The following TIAM2 variants were observed in gnomAD, a reference collection of about 807,000 sequenced individuals.
The protein encoded by TIAM2 is TIAM Rac1 associated GEF 2, also known as rho guanine nucleotide exchange factor TIAM2.
In TIAM2, 80 loss-of-function variants were observed where a neutral mutation model predicts 152.9. The observed-to-expected ratio is 0.52, with a 90% CI of 0.44 to 0.63. TIAM2 has a LOEUF of 0.63. Ranked by LOEUF, TIAM2 falls within the 30% of genes least tolerant of loss-of-function variation. The pLI is 0.00. For synonymous variants in TIAM2, 804 were observed against 838.0 expected (o/e 0.96, Z 0.70); for missense variants, 1,965 against 2,120.1 (o/e 0.93, Z 1.44).
In TIAM2 at chr6:155,146,582, T is replaced by TA. The variant is rs568174655; in HGVS notation, c.1804-1522dup. ...TATTGTTTTTAAAATATTTTTCTTT[T>TA]AAAAAATGTATCATTATTATTATTA... On this transcript the variant is annotated intron_variant, in intron 6 of 26. Transcript: ENST00000682666. 5.0e-3 allele frequency among the ~76,000 whole-genome samples: 765 copies of TA among 151,978 alleles called. 5 individuals are homozygous for TA. The highest frequency in any genetic ancestry group is 0.017 in the African/African-American group (712 of 41,314).
intron 2 of TIAM2, among the ~76,000 whole-genome samples, chr6:155,091,141 G>T (rs1235073934): frequency 6.6e-6 from 1 of 152,068 alleles, no homozygotes; most frequent in East Asian, 1.9e-4. Flanking sequence ...ATGCTTTTTG[G>T]GTTTCAGCTC....
intron 14 of TIAM2, among the ~76,000 whole-genome samples, chr6:155,197,377 T>C (rs1484293956): frequency 6.6e-6 from 1 of 152,246 alleles, no homozygotes; most frequent in Non-Finnish European, 1.5e-5. Flanking sequence ...TATTGAATTT[T>C]GTCATTATTA....
chr6:155,124,951 A>G (rs1194644028), intron 2 of TIAM2, among the ~76,000 whole-genome samples: 2 of 151,648 alleles, frequency 1.3e-5, no homozygotes, highest in African/African-American at 4.8e-5. Flanking sequence ...ACCTAGCTCC[A>G]GTGTCTTGCT....
intron 1 of TIAM2, among the ~76,000 whole-genome samples, chr6:155,039,575 G>C (rs1319653483): frequency 7.2e-6 from 1 of 138,504 alleles, no homozygotes; most frequent in Non-Finnish European, 1.5e-5. Context: ...GGTCTGGGGG[G>C]ATTAGGTTTT....
intron 14 of TIAM2, among the ~76,000 whole-genome samples, chr6:155,190,223 G>T (rs997368203): frequency 6.6e-6 from 1 of 152,132 alleles, no homozygotes; most frequent in African/African-American, 2.4e-5. Context: ...GCTTGCCCCT[G>T]CCTGTCACCT....
At chr6:155,226,905 CT>C (rs1363956550) in intron 15 of TIAM2, among the ~76,000 whole-genome samples, 1 of 152,180 alleles carries the variant, frequency 6.6e-6, no homozygotes, top group Non-Finnish European at 1.5e-5. Context: ...TTTTGCGCCC[CT>C]GTCTCTGTTG....
At chr6:155,191,149 C>G (rs1158234671) in intron 14 of TIAM2, among the ~76,000 whole-genome samples, 2 of 152,140 alleles carry the variant, frequency 1.3e-5, no homozygotes, top group East Asian at 3.9e-4. Flanking sequence ...ACAGCTAAGT[C>G]CCCCTAAGCT....
chr6:155,017,273 G>T (rs1778608141), intron 1 of TIAM2, among the ~76,000 whole-genome samples: 1 of 152,154 alleles, frequency 6.6e-6, no homozygotes, highest in Admixed American at 6.5e-5. Flanking sequence ...GCTTCAGGTT[G>T]GTAATGACGT....
intron 1 of TIAM2, among the ~76,000 whole-genome samples, chr6:155,001,415 A>G (rs1392994276): frequency 6.6e-6 from 1 of 152,250 alleles, no homozygotes; most frequent in African/African-American, 2.4e-5. Context: ...AAGGATCTTA[A>G]TAAAAATCAT....
At chr6:155,052,790 A>AG (rs869242527) in intron 1 of TIAM2, among the ~76,000 whole-genome samples, 7 of 150,638 alleles carry the variant, frequency 4.6e-5, no homozygotes, top group Admixed American at 1.3e-4. Context: ...AAAAAAAAAA[A>AG]GAAAGAAATT....
intron 1 of TIAM2, among the ~76,000 whole-genome samples, chr6:155,028,635 TGTTATA>T (rs1291226448): frequency 3.3e-5 from 1 of 30,390 alleles, no homozygotes; most frequent in African/African-American, 5.3e-5. Flanking sequence ...ATATATACTG[TGTTATA>T]TATATACTAC....
chr6:155,251,920 T>C, intron 22 of TIAM2, 25 bp from the exon 23 acceptor site: 1 of 1,575,948 alleles, frequency 6.3e-7, no homozygotes, highest in Non-Finnish European at 8.7e-7. Flanking sequence ...AAATAAAGAC[T>C]TTCTTTCTCT....
intron 1 of TIAM2, among the ~76,000 whole-genome samples, chr6:155,001,125 T>G (rs570060434): frequency 6.6e-6 from 1 of 152,170 alleles, no homozygotes; most frequent in African/African-American, 2.4e-5. Context: ...GGGACAGACA[T>G]GGAAGAAGAT....
intron 1 of TIAM2, among the ~76,000 whole-genome samples, chr6:155,088,640 G>A (rs1778225953): frequency 6.6e-6 from 1 of 152,186 alleles, no homozygotes; most frequent in East Asian, 1.9e-4. Flanking sequence ...AGCTCACTGA[G>A]GTGGTCATGG....
chr6:154,997,471 G>C (rs969985239), intron 1 of TIAM2, among the ~76,000 whole-genome samples: 2 of 151,854 alleles, frequency 1.3e-5, no homozygotes, highest in Admixed American at 6.6e-5. Context: ...CTCTCCATTG[G>C]AGAGGATACA....
intron 14 of TIAM2, 114 bp from the exon 15 acceptor site, chr6:155,211,090 A>T: frequency 2.5e-6 from 2 of 799,286 alleles, no homozygotes; most frequent in Non-Finnish European, 4.0e-6. Context: ...ACTGCTCTGT[A>T]CTGCCTCCTA....
In TIAM2 at chr6:155,106,822, T is replaced by C. The variant is rs569196128; in HGVS notation, c.-118+16443T>C. Among the ~76,000 whole-genome samples the C allele has an allele frequency of 1.3e-4, 20 of 152,372 alleles. No individual in the cohort carries two copies. In the South Asian group the frequency reaches 3.9e-3, roughly 30 times the overall value. On this transcript the variant is annotated intron_variant, in intron 2 of 26. Transcript: ENST00000682666. ...AGCCCAGTCATGGGCGAGCCTGGCC[T>C]CTCCGAGGCATGATGGCAGGCTGTC...
intron 25 of TIAM2, 119 bp downstream of exon 25, chr6:155,254,179 C>G (rs2115365066): frequency 1.7e-6 from 2 of 1,197,016 alleles, no homozygotes; most frequent in South Asian, 1.5e-5. Context: ...ACTCCCCACC[C>G]TCCGAAAAAG....
chr6:155,199,791 T>A (rs1562351508), intron 14 of TIAM2, among the ~76,000 whole-genome samples: 3 of 152,226 alleles, frequency 2.0e-5, no homozygotes, highest in Non-Finnish European at 4.4e-5. Context: ...AGAGAACGTG[T>A]TTGTTAAGGC....
Sources: allele counts gnomAD v4.1 joint callset (sites outside exome capture counted in the v4.1 genomes callset), GRCh38; gene constraint gnomAD v4.1.1; transcripts MANE v1.5; gene names NCBI Gene and HGNC (gene_info 2026-07-23, HGNC 2026-07-21).